The following OPHN1 variants were observed in gnomAD, a reference collection of about 807,000 sequenced individuals.
The protein encoded by OPHN1 is oligophrenin-1.
Under a neutral mutation model 60.7 loss-of-function variants are expected in OPHN1, and 11 were observed. The ratio of observed to expected loss-of-function variants is 0.18; its 90% CI spans 0.11 to 0.30. OPHN1 has a LOEUF of 0.30. OPHN1 is among the 10% of genes least tolerant of loss of function. The pLI, the probability that OPHN1 is intolerant of heterozygous loss-of-function variation, is 1.00. For missense variants in OPHN1, 449 were observed against 611.0 expected, an observed-to-expected ratio of 0.73 and a Z score of 2.80; for synonymous variants, 226 against 222.6, an observed-to-expected ratio of 1.02 and a Z score of -0.14.
In OPHN1 at chrX:68,085,358, T is replaced by C. The variant is rs755247155; in HGVS notation, c.1686+11512A>G. Among the ~76,000 whole-genome samples the C allele has an allele frequency of 3.6e-5, 4 of 112,296 alleles. No homozygotes were observed. The East Asian group carries it at 1.1e-3, about 31-fold the overall frequency. On this transcript the variant is annotated intron_variant, in intron 19 of 24. Coordinates refer to ENST00000355520, the MANE Select transcript of OPHN1 (RefSeq NM_002547.3). ...CTCTGCCTAAATAACACATTAACAG[T>C]AGCCTTGTCTGACCATCTTCCATAA...
At chrX:68,223,284 A>G (rs138183766) in intron 6 of OPHN1, among the ~76,000 whole-genome samples, 1,687 of 112,474 alleles carry the variant, frequency 0.015, 23 homozygotes, top group Non-Finnish European at 0.021. Context: ...CAGGAAATCA[A>G]TCTAAGTGCC....
At chrX:68,076,239 T>C (rs12013549) in intron 19 of OPHN1, among the ~76,000 whole-genome samples, 82 of 110,602 alleles carry the variant, frequency 7.4e-4, no homozygotes, top group African/African-American at 2.4e-3. Flanking sequence ...ATTAAGTCAA[T>C]AGGGAAATGC....
intron 15 of OPHN1, among the ~76,000 whole-genome samples, chrX:68,148,976 A>T (rs961704930): frequency 1.8e-5 from 2 of 111,865 alleles, no homozygotes; most frequent in African/African-American, 6.5e-5. Context: ...TTTCTGAAAG[A>T]TATTTTAATA....
intron 2 of OPHN1, among the ~76,000 whole-genome samples, chrX:68,309,935 C>T (rs7062637): frequency 6.3e-5 from 7 of 111,510 alleles, no homozygotes; most frequent in Non-Finnish European, 9.4e-5. Flanking sequence ...GCCACAGCTT[C>T]TAGTGCTGTT....
rs1367432864 is a variant in OPHN1, at chrX:68,418,238, G to C, written c.154+14629C>G. ...ATCACAGTTTGAAGGTGAATCATTA[G>C]AGCAGGGATGGCTGGCTAGGAGGGC... is the stretch of plus-strand genomic sequence containing the variant. On this transcript the variant is annotated intron_variant, in intron 2 of 24. Coordinates refer to ENST00000355520, the MANE Select transcript of OPHN1 (RefSeq NM_002547.3). Among the ~76,000 whole-genome samples the C allele has an allele frequency of 5.4e-5, 6 of 111,907 alleles. No homozygotes were observed. In the South Asian group the frequency reaches 2.2e-3, roughly 42 times the overall value.
intron 13 of OPHN1, 44 bp from the exon 14 acceptor site, chrX:68,193,996 T>A: frequency 9.4e-7 from 1 of 1,059,022 alleles, no homozygotes; most frequent in Non-Finnish European, 1.3e-6. Flanking sequence ...CTGCAACAGG[T>A]GTCACCTATT....
chrX:68,294,564 G>A (rs1212164715), intron 3 of OPHN1, among the ~76,000 whole-genome samples: 1 of 109,565 alleles, frequency 9.1e-6, no homozygotes, highest in Non-Finnish European at 1.9e-5. Flanking sequence ...TGGTGCTATG[G>A]TGACATTGCA....
At chrX:68,133,062 A>G (rs2077204528) in intron 15 of OPHN1, 1 of 504,163 alleles carries the variant, frequency 2.0e-6, no homozygotes, top group Non-Finnish European at 3.6e-6. Context: ...CTCGGCAGCA[A>G]GCGGCGCCTT....
At chrX:68,362,340 G>A (rs2078477311) in intron 2 of OPHN1, among the ~76,000 whole-genome samples, 1 of 111,607 alleles carries the variant, frequency 9.0e-6, no homozygotes, top group Non-Finnish European at 1.9e-5. Flanking sequence ...AAAGTAGAGA[G>A]TAGAATGATA....
chrX:68,238,071 T>C (rs1267307932), intron 5 of OPHN1, among the ~76,000 whole-genome samples: 1 of 111,699 alleles, frequency 9.0e-6, no homozygotes, highest in Non-Finnish European at 1.9e-5. Flanking sequence ...GAAAAGGGTA[T>C]ATACACAGGA....
intron 2 of OPHN1, among the ~76,000 whole-genome samples, chrX:68,403,801 C>G (rs746522928): frequency 9.1e-6 from 1 of 109,724 alleles, no homozygotes; most frequent in South Asian, 4.0e-4. Context: ...AACTCAGGTA[C>G]TGCACGAGAT....
intron 21 of OPHN1, among the ~76,000 whole-genome samples, chrX:68,057,233 C>A (rs618306): frequency 0.21 from 23,327 of 110,983 alleles, 3,064 homozygotes; most frequent in African/African-American, 0.48. Context: ...CTGGACCCCA[C>A]CCTCATACGT....
chrX:68,278,902 A>T lies in OPHN1; in HGVS notation c.313-4093T>A, dbSNP rs186361795. Reference sequence around the variant, plus strand: ...CTCCGTCACAAAAAATAAAATAAAAAAAATTTTTTTTTAAAAAAAGAGCAC... The same window carrying T: ...CTCCGTCACAAAAAATAAAATAAAATAAATTTTTTTTTAAAAAAAGAGCAC... On this transcript the variant is annotated intron_variant, in intron 4 of 24. Transcript: ENST00000355520. Among the ~76,000 whole-genome samples, 67 of 109,637 alleles carry T rather than the reference A, an allele frequency of 6.1e-4. No individual in the cohort carries two copies. In the East Asian group the frequency reaches 0.015, roughly 25 times the overall value.
At chrX:68,383,882 G>C (rs770037705) in intron 2 of OPHN1, among the ~76,000 whole-genome samples, 62 of 110,937 alleles carry the variant, frequency 5.6e-4, no homozygotes, top group Non-Finnish European at 1.3e-4. Context: ...ACAAAGCCAA[G>C]ATCTAGAAGC....
chrX:68,357,085 T>C (rs1048434874), intron 2 of OPHN1, among the ~76,000 whole-genome samples: 3 of 111,330 alleles, frequency 2.7e-5, no homozygotes, highest in Non-Finnish European at 3.8e-5. Context: ...TCTGCGAATA[T>C]ACTAAAACTC....
intron 18 of OPHN1, among the ~76,000 whole-genome samples, chrX:68,106,282 A>T: frequency 9.2e-6 from 1 of 109,037 alleles, no homozygotes; most frequent in East Asian, 2.9e-4. Context: ...TTACAAAAGT[A>T]AAAAGAACCT....
At chrX:68,305,056 T>TA (rs1218454580) in intron 2 of OPHN1, among the ~76,000 whole-genome samples, 48 of 108,791 alleles carry the variant, frequency 4.4e-4, no homozygotes, top group African/African-American at 1.2e-3. Flanking sequence ...AAACACTTGG[T>TA]AAAAAAAAAT....
At chrX:68,263,649 C>G (rs938155105) in intron 5 of OPHN1, among the ~76,000 whole-genome samples, 1 of 111,279 alleles carries the variant, frequency 9.0e-6, no homozygotes, top group African/African-American at 3.3e-5. Context: ...GAATTTTCAT[C>G]AAATACTTCC....
chrX:68,177,298 T>C (rs1220364815), intron 15 of OPHN1, among the ~76,000 whole-genome samples: 1 of 110,889 alleles, frequency 9.0e-6, no homozygotes, highest in Non-Finnish European at 1.9e-5. Context: ...TGTTGCAAAA[T>C]AATGTGAATA....
Sources: allele counts gnomAD v4.1 joint callset (sites outside exome capture counted in the v4.1 genomes callset), GRCh38; gene constraint gnomAD v4.1.1; transcripts MANE v1.5; gene names NCBI Gene and HGNC (gene_info 2026-07-23, HGNC 2026-07-21).